The following MRE11 variants were observed in gnomAD, a reference collection of about 807,000 sequenced individuals.
MRE11 encodes MRE11 double strand break repair nuclease.
MRE11 carries 62 observed loss-of-function variants against 91.7 expected under a neutral mutation model. The observed-to-expected ratio is 0.68, with a 90% CI of 0.55 to 0.84. The LOEUF is 0.84. Ranked by LOEUF, MRE11 falls within the 40% of genes least tolerant of loss-of-function variation. The pLI, the probability that MRE11 is intolerant of heterozygous loss-of-function variation, is 0.00. For missense variants in MRE11, 796 were observed against 852.9 expected (o/e 0.93, Z 0.83); for synonymous variants, 273 against 271.4 (o/e 1.01, Z -0.06).
At chr11:94,435,030 G>C (rs1457529802) in intron 18 of MRE11, among the ~76,000 whole-genome samples, 1 of 152,156 alleles carries the variant, frequency 6.6e-6, no homozygotes, top group African/African-American at 2.4e-5. Context: ...TGGTAATAGT[G>C]AATCAAGTCA....
intron 13 of MRE11, among the ~76,000 whole-genome samples, chr11:94,457,887 T>TCTCTCTCTCTCTCA (rs372404360): frequency 7.8e-4 from 112 of 144,302 alleles, no homozygotes; most frequent in African/African-American, 2.8e-3. Flanking sequence ...TCTCTCTCTC[T>TCTCTCTCTCTCTCA]CACACACACA....
intron 14 of MRE11, among the ~76,000 whole-genome samples, chr11:94,450,945 A>C (rs1183118987): frequency 6.6e-6 from 1 of 152,206 alleles, no homozygotes; most frequent in Non-Finnish European, 1.5e-5. Context: ...GAAAGGAAGA[A>C]AACACAAATA....
chr11:94,486,495 C>A (rs1947146161), intron 3 of MRE11, among the ~76,000 whole-genome samples: 1 of 152,164 alleles, frequency 6.6e-6, no homozygotes, highest in African/African-American at 2.4e-5. Context: ...TAGCAATCTA[C>A]AAAATAGATT....
chr11:94,492,777 C>T lies in MRE11; in HGVS notation c.20+5G>A, dbSNP rs1591730274. 6.2e-7 allele frequency: 1 copy of T among 1,614,038 alleles called. No individual in the cohort carries two copies. Among genetic ancestry groups the T allele is most frequent in the South Asian group, 1.1e-5 (1 of 91,082 alleles). ...AACAAGGGATTCCAGAAGTCAGGTG[C>T]TTACAGTGCATCTGCAGTACTCATT... On this transcript the variant is annotated splice_donor_5th_base_variant and intron_variant, in intron 2 of 19. Transcript: ENST00000323929.
chr11:94,446,432 A>C (rs1435182914), intron 15 of MRE11, among the ~76,000 whole-genome samples: 1 of 152,224 alleles, frequency 6.6e-6, no homozygotes, highest in Non-Finnish European at 1.5e-5. Context: ...TAAAAAACAA[A>C]AATAAAAATT....
chr11:94,422,150 A>C (rs544957116), intron 19 of MRE11, among the ~76,000 whole-genome samples: 27 of 152,326 alleles, frequency 1.8e-4, no homozygotes, highest in African/African-American at 5.8e-4. Context: ...GGCCCTTCAA[A>C]TGGCAGCCTT....
At chr11:94,495,224 C>T (rs1039279772), upstream of MRE11, among the ~76,000 whole-genome samples, 5 of 152,140 alleles carry the variant, frequency 3.3e-5, no homozygotes, top group East Asian at 9.6e-4. Flanking sequence ...GATTAGGTAT[C>T]AAGAAATCAG....
In MRE11 at chr11:94,465,325, T is replaced by C. The variant is rs554450012; in HGVS notation, c.1099-1086A>G. Among the ~76,000 whole-genome samples, 159 of 151,944 alleles carry C rather than the reference T, an allele frequency of 1.0e-3. 1 individual carries two copies. The highest frequency in any genetic ancestry group is 3.8e-3 in the African/African-American group (156 of 41,498). On this transcript the variant is annotated intron_variant, in intron 10 of 19. Transcript: ENST00000323929. ...ATGAGAAAATTGGGATCTTTTGCCA[T>C]AATGAAGAGAACTATGTGATTCCCT...
At chr11:94,483,162 C>A (rs1947054825) in intron 4 of MRE11, among the ~76,000 whole-genome samples, 1 of 151,952 alleles carries the variant, frequency 6.6e-6, no homozygotes, top group Non-Finnish European at 1.5e-5. Context: ...TAAAGTCACA[C>A]TTTAAAAACT....
chr11:94,438,808 G>A (rs947067533), intron 16 of MRE11, among the ~76,000 whole-genome samples: 38 of 152,088 alleles, frequency 2.5e-4, no homozygotes, highest in Non-Finnish European at 1.8e-4. Flanking sequence ...CAATTTCCTC[G>A]CCTGTAAAAC....
intron 16 of MRE11, among the ~76,000 whole-genome samples, chr11:94,442,607 T>C (rs542276021): frequency 2.0e-5 from 3 of 152,262 alleles, no homozygotes; most frequent in Non-Finnish European, 4.4e-5. Flanking sequence ...AACATGGAAG[T>C]GTTCATTATT....
chr11:94,479,764 T>C lies in MRE11; in HGVS notation c.315-3A>G, dbSNP rs1565234627. 7.7e-7 allele frequency: 1 copy of C among 1,304,460 alleles called. No homozygotes were observed. The highest frequency in any genetic ancestry group is 2.0e-5 in the Admixed American group (1 of 49,488). 80.8% of individuals were successfully genotyped at this position (1,304,460 alleles called of 1,614,324 possible). A position where few individuals can be genotyped will look rare whatever the true frequency, so the allele number is the denominator to read the frequency against. On this transcript the variant is annotated splice_polypyrimidine_tract_variant and splice_region_variant and intron_variant, in intron 4 of 19. Transcript: ENST00000323929. ...CTTGATAGTTCACCCATGGAAACCT[T>C]AAAAAAAAAAAGTTACTTAAAATTT...
the MRE11 span, among the ~76,000 whole-genome samples, chr11:94,510,237 G>GT: frequency 6.6e-6 from 1 of 152,040 alleles, no homozygotes; most frequent in Middle Eastern, 3.2e-3. Flanking sequence ...AAGCTTTTAA[G>GT]TAATTTCTCT....
chr11:94,442,876 CT>C (rs1252045553), intron 16 of MRE11, among the ~76,000 whole-genome samples: 3 of 152,136 alleles, frequency 2.0e-5, no homozygotes, highest in African/African-American at 7.2e-5. Flanking sequence ...CTCTTTCTTC[CT>C]CTCTGCTTTT....
chr11:94,500,811 A>G, the MRE11 span, among the ~76,000 whole-genome samples: 21 of 152,146 alleles, frequency 1.4e-4, no homozygotes, highest in African/African-American at 5.1e-4. Context: ...ATTTATTTGT[A>G]TTATTTGACA....
intron 5 of MRE11, 64 bp from the exon 6 acceptor site, chr11:94,478,940 G>GT: frequency 1.3e-6 from 2 of 1,528,446 alleles, no homozygotes; most frequent in Non-Finnish European, 1.8e-6. Flanking sequence ...CATGAATATC[G>GT]TATCACCTGT....
At chr11:94,441,977 CAAAAAAAAAAAAA>C (rs35673778) in intron 16 of MRE11, among the ~76,000 whole-genome samples, 1 of 48,224 alleles carries the variant, frequency 2.1e-5, no homozygotes, top group African/African-American at 7.7e-5. Flanking sequence ...GACTCTGTCT[CAAAAAAAAAAAAA>C]AAAAAAAAAA....
chr11:94,485,202 C>T (rs1274614405), intron 4 of MRE11, among the ~76,000 whole-genome samples: 1 of 151,656 alleles, frequency 6.6e-6, no homozygotes, highest in East Asian at 1.9e-4. Flanking sequence ...TGCAGTGAGC[C>T]AAGCTCATGC....
chr11:94,470,393 C>T, intron 9 of MRE11, 78 bp downstream of exon 9: 1 of 1,387,470 alleles, frequency 7.2e-7, no homozygotes, highest in African/African-American at 1.4e-5. Context: ...CTTCCCTCTA[C>T]TCTATTAAAT....
Sources: gnomAD v4.1 joint callset for allele counts (sites outside exome capture counted in the v4.1 genomes callset) on GRCh38, gnomAD v4.1.1 for gene constraint, MANE v1.5 for transcripts, NCBI Gene and HGNC (gene_info 2026-07-23, HGNC 2026-07-21) for gene names.